MAGI1: variants seen among roughly 807,000 people sequenced by gnomAD.
MAGI1 encodes membrane-associated guanylate kinase, WW and PDZ domain-containing protein 1.
MAGI1 carries 58 observed loss-of-function variants against 139.9 expected under a neutral mutation model. That is an observed-to-expected ratio of 0.41 (90% CI 0.34 to 0.52). The LOEUF is 0.52. MAGI1 is among the 20% of genes least tolerant of loss of function. MAGI1 has a pLI of 0.12. For synonymous variants in MAGI1, 812 were observed against 737.9 expected (o/e 1.10, Z -1.63); for missense variants, 1,874 against 1,901.6 (o/e 0.99, Z 0.27).
At chr3:65,874,947 G>T (rs1394664296) in intron 1 of MAGI1, 3 of 152,638 alleles carry the variant, frequency 2.0e-5, no homozygotes, top group Non-Finnish European at 4.4e-5. Context: ...GCCAGGTGTG[G>T]TAGCTCACGT....
At chr3:65,711,410 T>C (rs370962143) in intron 1 of MAGI1, among the ~76,000 whole-genome samples, 1 of 152,140 alleles carries the variant, frequency 6.6e-6, no homozygotes, top group East Asian at 1.9e-4. Context: ...AAACAATCTC[T>C]AAAAACAGAT....
At chr3:65,869,593 G>A (rs2059864579) in intron 1 of MAGI1, among the ~76,000 whole-genome samples, 3 of 151,880 alleles carry the variant, frequency 2.0e-5, no homozygotes, top group Non-Finnish European at 2.9e-5. Context: ...GTAGAGACAG[G>A]GTTTCACTGT....
intron 3 of MAGI1, among the ~76,000 whole-genome samples, chr3:65,489,317 C>CT (rs772923155): frequency 1.3e-5 from 2 of 152,102 alleles, no homozygotes; most frequent in Non-Finnish European, 2.9e-5. Context: ...CATCATATCC[C>CT]TTGCCTCACA....
chr3:65,392,188 C>G (rs1447798422), intron 13 of MAGI1, among the ~76,000 whole-genome samples: 3 of 152,194 alleles, frequency 2.0e-5, no homozygotes, highest in African/African-American at 7.2e-5. Flanking sequence ...TCATTAAAAT[C>G]TGCTCAGCAA....
chr3:65,995,720 C>T (rs1307692729), intron 1 of MAGI1, among the ~76,000 whole-genome samples: 1 of 152,192 alleles, frequency 6.6e-6, no homozygotes, highest in African/African-American at 2.4e-5. Flanking sequence ...GCTGCTCCAC[C>T]GGGCCCTTCT....
At chr3:65,532,101 C>A (rs1031760886) in intron 2 of MAGI1, among the ~76,000 whole-genome samples, 2 of 152,148 alleles carry the variant, frequency 1.3e-5, no homozygotes, top group African/African-American at 4.8e-5. Flanking sequence ...TTCTAGGATT[C>A]ATTTTCTGTA....
chr3:65,379,486 G>A lies in MAGI1; in HGVS notation c.2770C>T (p.Leu924=), dbSNP rs769219782. ...TGCGGAGTGCGCTTCTCTTCTGTCAGCGAGGCCGGCTGGTTGCTACTGTGA... is the reference window on the plus strand; with the variant it reads ...TGCGGAGTGCGCTTCTCTTCTGTCAACGAGGCCGGCTGGTTGCTACTGTGA... ...SHHSSNQPAS[L]TEEKRTPQGS... The change falls in exon 17 of 23, where the codon CTG becomes TTG. Residue 924 remains leucine, a synonymous_variant. Coordinates refer to ENST00000402939, the MANE Select transcript of MAGI1 (RefSeq NM_001033057.2). 1.2e-6 allele frequency: 2 copies of A among 1,613,986 alleles called. No homozygotes were observed. Among genetic ancestry groups the A allele is most frequent in the Non-Finnish European group, 1.7e-6 (2 of 1,179,888 alleles).
intron 1 of MAGI1, among the ~76,000 whole-genome samples, chr3:65,992,965 C>A (rs574019013): frequency 6.6e-6 from 1 of 152,098 alleles, no homozygotes; most frequent in Non-Finnish European, 1.5e-5. Context: ...GATGGGACTA[C>A]AGGCACACGC....
intron 1 of MAGI1, among the ~76,000 whole-genome samples, chr3:66,023,246 G>C (rs2068055479): frequency 6.6e-6 from 1 of 152,120 alleles, no homozygotes; most frequent in Non-Finnish European, 1.5e-5. Context: ...GAAATGGAGG[G>C]GGAAAGGGGA....
intron 1 of MAGI1, among the ~76,000 whole-genome samples, chr3:65,904,176 G>A (rs897937615): frequency 3.9e-5 from 6 of 152,134 alleles, no homozygotes; most frequent in African/African-American, 1.4e-4. Context: ...ACAGTAATGA[G>A]ACACCACTAC....
At chr3:65,590,453 G>C (rs975581531) in intron 2 of MAGI1, among the ~76,000 whole-genome samples, 1 of 152,114 alleles carries the variant, frequency 6.6e-6, no homozygotes, top group Non-Finnish European at 1.5e-5. Flanking sequence ...AATTCACTCG[G>C]TGCTCTTAAC....
intron 2 of MAGI1, among the ~76,000 whole-genome samples, chr3:65,583,969 G>A (rs1312025304): frequency 6.6e-6 from 1 of 151,248 alleles, no homozygotes; most frequent in East Asian, 2.0e-4. Context: ...ACTTTCCACA[G>A]TGACAGTGGT....
At chr3:65,788,404 G>A (rs761550808) in intron 1 of MAGI1, among the ~76,000 whole-genome samples, 1 of 152,180 alleles carries the variant, frequency 6.6e-6, no homozygotes, top group African/African-American at 2.4e-5. Flanking sequence ...CATAACAGCT[G>A]CTTCCTTCTG....
intron 1 of MAGI1, among the ~76,000 whole-genome samples, chr3:65,995,657 T>A (rs1014238830): frequency 7.9e-5 from 12 of 152,070 alleles, no homozygotes; most frequent in African/African-American, 2.9e-4. Flanking sequence ...GCAAGCACAT[T>A]CCTGAAGCAG....
chr3:65,818,886 G>A (rs946677607), intron 1 of MAGI1, among the ~76,000 whole-genome samples: 5 of 152,198 alleles, frequency 3.3e-5, no homozygotes, highest in African/African-American at 7.2e-5. Context: ...AGTTTATCAC[G>A]GCTCAACAAA....
At chr3:66,023,836 C>T (rs183035557) in intron 1 of MAGI1, among the ~76,000 whole-genome samples, 2 of 152,300 alleles carry the variant, frequency 1.3e-5, no homozygotes, top group East Asian at 3.9e-4. Context: ...CTCAAATTCA[C>T]GTGAACATCA....
rs1553716720 is a variant in MAGI1 at position 65,846,983 on chromosome 3, A to AAAAAC, written c.313+191012_313+191013insGTTTT. On this transcript the variant is annotated intron_variant, in intron 1 of 22. Coordinates refer to ENST00000402939, the MANE Select transcript of MAGI1 (RefSeq NM_001033057.2). ...AAGAATAGCAATGTCTTACAAAAAA[A>AAAAAC]AAAAAAAAAAAAACCCTAAGCACAT... 3.4e-5 allele frequency among the ~76,000 whole-genome samples: 5 copies of AAAAAC among 147,484 alleles called. No individual in the cohort carries two copies. In the South Asian group the frequency reaches 8.8e-4, roughly 26 times the overall value.
intron 13 of MAGI1, among the ~76,000 whole-genome samples, chr3:65,393,482 T>C (rs1944103980): frequency 6.6e-6 from 1 of 152,234 alleles, no homozygotes; most frequent in African/African-American, 2.4e-5. Flanking sequence ...TTTAAAGTCA[T>C]TTTCATTTCA....
At chr3:65,555,708 A>G (rs2080052289) in intron 2 of MAGI1, among the ~76,000 whole-genome samples, 1 of 152,136 alleles carries the variant, frequency 6.6e-6, no homozygotes, top group Non-Finnish European at 1.5e-5. Context: ...AATAAAAGAA[A>G]ATTGCCAGGC....
Sources: gnomAD v4.1 joint callset for allele counts (sites outside exome capture counted in the v4.1 genomes callset) on GRCh38, gnomAD v4.1.1 for gene constraint, MANE v1.5 for transcripts, NCBI Gene and HGNC (gene_info 2026-07-23, HGNC 2026-07-21) for gene names.